CHRNA7: variants seen among roughly 807,000 people sequenced by gnomAD.
The protein encoded by CHRNA7 is cholinergic receptor nicotinic alpha 7 subunit.
Under a neutral mutation model 48.0 loss-of-function variants are expected in CHRNA7, and 17 were observed. The observed-to-expected ratio is 0.35, with a 90% CI of 0.24 to 0.53. The LOEUF is 0.53. Ranked by LOEUF, CHRNA7 falls within the 20% of genes least tolerant of loss-of-function variation. The probability of loss-of-function intolerance (pLI) is 0.92; values close to 1 mark genes in which losing one functional copy is unlikely to be tolerated. For missense variants in CHRNA7, 155 were observed against 577.7 expected (o/e 0.27, Z 7.50); for synonymous variants, 75 against 242.3 (o/e 0.31, Z 6.41).
intron 3 of CHRNA7, chr15:32,102,488 A>G (rs1044400511): frequency 1.3e-5 from 2 of 152,188 alleles, no homozygotes; most frequent in African/African-American, 2.4e-5. Context: ...TCAAATGTAA[A>G]TATTTACACA....
chr15:32,106,577 T>C (rs906330570), intron 3 of CHRNA7, among the ~76,000 whole-genome samples: 2 of 152,202 alleles, frequency 1.3e-5, no homozygotes, highest in African/African-American at 4.8e-5. Context: ...CAGTTTTCTC[T>C]GCAGATTAGT....
intron 3 of CHRNA7, among the ~76,000 whole-genome samples, chr15:32,109,146 T>C (rs757445053): frequency 2.0e-5 from 3 of 152,252 alleles, no homozygotes; most frequent in Non-Finnish European, 4.4e-5. Flanking sequence ...CGAAGGCTGC[T>C]GGTTGCCCAT....
At chr15:32,087,539 T>C (rs2050317465) in intron 2 of CHRNA7, among the ~76,000 whole-genome samples, 1 of 152,228 alleles carries the variant, frequency 6.6e-6, no homozygotes, top group Non-Finnish European at 1.5e-5. Context: ...CAAAGAGTTA[T>C]ATGTGTATAT....
intron 2 of CHRNA7, among the ~76,000 whole-genome samples, chr15:32,033,270 G>A (rs1199287696): frequency 6.6e-6 from 1 of 152,164 alleles, no homozygotes; most frequent in Non-Finnish European, 1.5e-5. Flanking sequence ...TGCTTCAGAG[G>A]GTTTTGAGAG....
chr15:32,142,488 A>AG (rs1344743713), intron 4 of CHRNA7, among the ~76,000 whole-genome samples: 1 of 152,220 alleles, frequency 6.6e-6, no homozygotes, highest in African/African-American at 2.4e-5. Context: ...TAGTTTCCGA[A>AG]GAAATGGTAC....
At chr15:32,095,081 CT>C (rs2050445321) in intron 2 of CHRNA7, among the ~76,000 whole-genome samples, 1 of 152,262 alleles carries the variant, frequency 6.6e-6, no homozygotes, top group Non-Finnish European at 1.5e-5. Context: ...GGGACTACCC[CT>C]AGCCCACATG....
intron 2 of CHRNA7, among the ~76,000 whole-genome samples, chr15:32,070,570 CTA>C (rs2050037923): frequency 6.7e-6 from 1 of 149,754 alleles, no homozygotes; most frequent in South Asian, 2.1e-4. Flanking sequence ...AGATTTTTTC[CTA>C]TGTTTTCTTA....
rs772745507 is a variant in CHRNA7 at position 32,030,978 on chromosome 15, A to G, written c.136A>G (p.Asn46Asp). The change falls in exon 2 of 10, where the codon AAT becomes GAT. Residue 46 changes from asparagine (N) to aspartate (D), a missense_variant. Physicochemically the swap from Asn to Asp is conservative, Grantham distance 23. Coordinates refer to ENST00000306901, the MANE Select transcript of CHRNA7 (RefSeq NM_000746.6). ...NYNPLERPVA[N>D]DSQPLTVYFS... is the part of the protein sequence containing the mutation. Reference sequence around the variant, plus strand: ...CAATCCCTTGGAGAGGCCCGTGGCCAATGACTCGCAACCACTCACCGTCTA... The same window carrying G: ...CAATCCCTTGGAGAGGCCCGTGGCCGATGACTCGCAACCACTCACCGTCTA... 2.5e-6 allele frequency: 4 copies of G among 1,614,072 alleles called. No homozygotes were observed. In the African/African-American group the frequency reaches 4.0e-5, roughly 16 times the overall value.
At chr15:32,129,020 ATTT>A (rs1189106965) in intron 4 of CHRNA7, among the ~76,000 whole-genome samples, 1 of 151,640 alleles carries the variant, frequency 6.6e-6, no homozygotes, top group African/African-American at 2.4e-5. Context: ...TAATCAGGTG[ATTT>A]TTCTTCCTTG....
chr15:32,062,781 A>G (rs2049900293), intron 2 of CHRNA7, among the ~76,000 whole-genome samples: 1 of 152,144 alleles, frequency 6.6e-6, no homozygotes, highest in Admixed American at 6.6e-5. Flanking sequence ...ATTTGCTATA[A>G]CAACTCCCAG....
chr15:32,046,362 T>G (rs1486988953), intron 2 of CHRNA7, among the ~76,000 whole-genome samples: 1 of 147,430 alleles, frequency 6.8e-6, no homozygotes, highest in Non-Finnish European at 1.5e-5. Flanking sequence ...ATTGGCATTC[T>G]AACTGGTGTG....
At chr15:32,089,952 G>C (rs1444504612) in intron 2 of CHRNA7, among the ~76,000 whole-genome samples, 1 of 152,132 alleles carries the variant, frequency 6.6e-6, no homozygotes, top group Non-Finnish European at 1.5e-5. Context: ...CCTTAATTAA[G>C]TACTCTTTCT....
chr15:32,073,006 G>A (rs2050082151), intron 2 of CHRNA7, among the ~76,000 whole-genome samples: 1 of 152,178 alleles, frequency 6.6e-6, no homozygotes, highest in South Asian at 2.1e-4. Flanking sequence ...TACTGGAGCT[G>A]TAGGAAGGGG....
At chr15:32,095,283 C>T (rs1566834394) in intron 2 of CHRNA7, among the ~76,000 whole-genome samples, 2 of 152,194 alleles carry the variant, frequency 1.3e-5, no homozygotes, top group Non-Finnish European at 2.9e-5. Context: ...CAGCAGCTCT[C>T]AGACATCCAG....
At chr15:32,066,532 G>A (rs973036252) in intron 2 of CHRNA7, among the ~76,000 whole-genome samples, 2 of 151,920 alleles carry the variant, frequency 1.3e-5, no homozygotes, top group African/African-American at 4.8e-5. Context: ...TGCCTGCCTC[G>A]GCCTCCCAAA....
chr15:32,036,465 G>T (rs562687389), intron 2 of CHRNA7, among the ~76,000 whole-genome samples: 3 of 152,158 alleles, frequency 2.0e-5, no homozygotes, highest in Non-Finnish European at 4.4e-5. Flanking sequence ...GCACTTGCTG[G>T]TTCGTATGCT....
intron 2 of CHRNA7, among the ~76,000 whole-genome samples, chr15:32,071,546 A>C (rs2050058319): frequency 6.6e-6 from 1 of 152,170 alleles, no homozygotes; most frequent in Non-Finnish European, 1.5e-5. Flanking sequence ...TGTGATCCCC[A>C]GTATTGGAGG....
At position 32,080,252 on chromosome 15, in the gene CHRNA7, T is replaced by C. The variant is rs563841539; in HGVS notation, c.196-21051T>C. Among the ~76,000 whole-genome samples the C allele has an allele frequency of 6.2e-4, 95 of 152,336 alleles. No individual in the cohort carries two copies. The South Asian group carries it at 0.019, about 30-fold the overall frequency. ...GACGTAGGCATGGGCAAAGATTTCA[T>C]GTTGAAAACGTCAAAATCAATTGCA... On this transcript the variant is annotated intron_variant, in intron 2 of 9. Transcript: ENST00000306901.
At chr15:32,035,312 C>T (rs982705583) in intron 2 of CHRNA7, among the ~76,000 whole-genome samples, 1 of 152,124 alleles carries the variant, frequency 6.6e-6, no homozygotes, top group African/African-American at 2.4e-5. Context: ...ATCTGAAGGC[C>T]ATTCTAAGTG....
Sources: gnomAD v4.1 joint callset for allele counts (sites outside exome capture counted in the v4.1 genomes callset) on GRCh38, gnomAD v4.1.1 for gene constraint, MANE v1.5 for transcripts, NCBI Gene and HGNC (gene_info 2026-07-23, HGNC 2026-07-21) for gene names.